The following LAMA1 variants were observed in gnomAD, a reference collection of about 807,000 sequenced individuals.
The protein encoded by LAMA1 is laminin subunit alpha-1.
LAMA1 carries 219 observed loss-of-function variants against 348.7 expected under a neutral mutation model. The ratio of observed to expected loss-of-function variants is 0.63; its 90% CI spans 0.56 to 0.70. The LOEUF (loss-of-function observed/expected upper bound fraction) is 0.70. Among genes scored for constraint, LAMA1 ranks in the 30% least tolerant of loss-of-function variants. The pLI is 0.00. For synonymous variants in LAMA1, 1,487 were observed against 1,491.0 expected, an observed-to-expected ratio of 1.00 and a Z score of 0.06; for missense variants, 3,744 against 3,888.0, an observed-to-expected ratio of 0.96 and a Z score of 0.99.
chr18:6,988,343 G>A (rs539141238), intron 36 of LAMA1, among the ~76,000 whole-genome samples: 3 of 152,294 alleles, frequency 2.0e-5, no homozygotes, highest in African/African-American at 4.8e-5. Flanking sequence ...CCCATGAACT[G>A]CCAGGCAGAT....
At position 7,044,789 on chromosome 18, in the gene LAMA1, C is replaced by G; in HGVS notation, c.909G>C (p.Arg303Ser). 1 of 1,614,188 alleles carries G rather than the reference C, an allele frequency of 6.2e-7. No homozygotes were observed. The highest frequency in any genetic ancestry group is 8.5e-7 in the Non-Finnish European group (1 of 1,180,032). The change falls in exon 7 of 63, where the codon AGG becomes AGC. Residue 303 changes from arginine (R) to serine (S), a missense_variant. Arg to Ser is a moderately radical substitution (Grantham distance 110). Around this residue, in one of 3 missense-constraint regions of LAMA1, gnomAD observed 1,529 missense variants for 1,689.4 expected, o/e 0.91. Coordinates refer to ENST00000389658, the MANE Select transcript of LAMA1 (RefSeq NM_005559.4). ...GCTGCTGATGGTACCCAGGACAGCACCTGTTACAGCTCTCCCCGCAAGTAT... is the reference window on the plus strand; with the variant it reads ...GCTGCTGATGGTACCCAGGACAGCAGCTGTTACAGCTCTCCCCGCAAGTAT... ...EHNTCGESCN[R>S]CCPGYHQQPW...
chr18:7,043,848 C>T (rs891442398), intron 7 of LAMA1, among the ~76,000 whole-genome samples: 8 of 152,254 alleles, frequency 5.3e-5, no homozygotes, highest in African/African-American at 1.9e-4. Context: ...TTTCACAATA[C>T]ATTGTTAAAT....
rs1410750270 is a variant in LAMA1 at position 7,031,954 on chromosome 18, A to G, written c.2274+112T>C. On this transcript the variant is annotated intron_variant, in intron 16 of 62. Coordinates refer to ENST00000389658, the MANE Select transcript of LAMA1 (RefSeq NM_005559.4). ...AATCTGTAAATTTTCTTTGGGGTCT[A>G]TGAGGCTAGGGTTATTCCGTGGAGG... 20 of 750,064 alleles carry G rather than the reference A, an allele frequency of 2.7e-5. No individual in the cohort carries two copies. The Admixed American group carries it at 3.3e-4, about 12-fold the overall frequency. The allele number at this position is 750,064 out of a possible 1,614,324, so 46.5% of individuals were successfully genotyped here. A position where few individuals can be genotyped will look rare whatever the true frequency, so the allele number is the denominator to read the frequency against.
chr18:7,071,674 T>C (rs957877262), intron 3 of LAMA1, among the ~76,000 whole-genome samples: 2 of 152,234 alleles, frequency 1.3e-5, no homozygotes, highest in African/African-American at 2.4e-5. Context: ...GTTCATGCTA[T>C]ACAATTACAT....
intron 1 of LAMA1, among the ~76,000 whole-genome samples, chr18:7,085,297 G>C (rs1016764914): frequency 6.6e-6 from 1 of 151,454 alleles, no homozygotes. Flanking sequence ...ATTTGGAAAA[G>C]TAGGAATTTA....
Position 6,956,784 on chromosome 18 carries a change from G to A in LAMA1, c.7965-19C>T, listed in dbSNP as rs369691592. ...CAAAAGTCTAGGTAGAAACAAGAGAGTGTTTTCAAAATTAGGATATCACAA... is the reference window on the plus strand; with the variant it reads ...CAAAAGTCTAGGTAGAAACAAGAGAATGTTTTCAAAATTAGGATATCACAA... On this transcript the variant is annotated intron_variant, in intron 55 of 62. Transcript: ENST00000389658. The A allele has an allele frequency of 5.0e-6, 8 of 1,613,868 alleles. No individual in the cohort carries two copies. The highest frequency in any genetic ancestry group is 4.0e-5 in the African/African-American group (3 of 74,910).
intron 3 of LAMA1, among the ~76,000 whole-genome samples, chr18:7,067,649 AG>A (rs772871307): frequency 6.6e-6 from 1 of 152,124 alleles, no homozygotes; most frequent in Non-Finnish European, 1.5e-5. Context: ...TATACACTCG[AG>A]ATTTGTGCAT....
At position 7,026,830 on chromosome 18, in the gene LAMA1, T is replaced by C. The variant is rs139786873; in HGVS notation, c.2275-724A>G. 3.5e-3 allele frequency among the ~76,000 whole-genome samples: 531 copies of C among 152,114 alleles called. 2 individuals are homozygous for C. The highest frequency in any genetic ancestry group is 6.8e-3 in the African/African-American group (282 of 41,522). On this transcript the variant is annotated intron_variant, in intron 16 of 62. Coordinates refer to ENST00000389658, the MANE Select transcript of LAMA1 (RefSeq NM_005559.4). ...GGCTAACACGGTGAAACCCCATCTC[T>C]ACTAAAAATACAAAAAATTAGCTGG...
At chr18:7,000,934 C>G (rs2057804889) in intron 30 of LAMA1, among the ~76,000 whole-genome samples, 1 of 152,202 alleles carries the variant, frequency 6.6e-6, no homozygotes, top group Admixed American at 6.5e-5. Context: ...AGAATGTTCA[C>G]AACCTGACAA....
In LAMA1 at chr18:6,970,388, C is replaced by T. The variant is rs534262034; in HGVS notation, c.6899+1469G>A. On this transcript the variant is annotated intron_variant, in intron 48 of 62. Coordinates refer to ENST00000389658, the MANE Select transcript of LAMA1 (RefSeq NM_005559.4). ...TTCCAGTTTATAAAGCATTTTCACA[C>T]GCATCATGTTGTGTGTTCATCACTG... 7.9e-5 allele frequency among the ~76,000 whole-genome samples: 12 copies of T among 152,292 alleles called. No homozygotes were observed. The South Asian group carries it at 1.0e-3, about 13-fold the overall frequency.
chr18:7,108,492 C>T (rs1201907925), intron 1 of LAMA1, among the ~76,000 whole-genome samples: 1 of 151,704 alleles, frequency 6.6e-6, no homozygotes. Flanking sequence ...GAAACCCTGT[C>T]TCTACTAAAA....
intron 1 of LAMA1, among the ~76,000 whole-genome samples, chr18:7,085,626 G>A (rs866533901): frequency 5.9e-5 from 9 of 151,924 alleles, no homozygotes; most frequent in Admixed American, 2.0e-4. Context: ...CACCACGTTA[G>A]CCAGGATGGT....
At chr18:7,094,763 C>A (rs2058253802) in intron 1 of LAMA1, among the ~76,000 whole-genome samples, 1 of 152,170 alleles carries the variant, frequency 6.6e-6, no homozygotes, top group Non-Finnish European at 1.5e-5. Context: ...CAGTAACAAC[C>A]AGGGAAATCT....
chr18:7,117,760 C>T lies in LAMA1; in HGVS notation c.-40G>A, dbSNP rs765284912. The T allele has an allele frequency of 3.8e-6, 6 of 1,569,652 alleles. No individual in the cohort carries two copies. Among genetic ancestry groups the T allele is most frequent in the Admixed American group, 1.7e-5 (1 of 57,558 alleles). On this transcript the variant is annotated 5_prime_UTR_variant, in exon 1 of 63. Transcript: ENST00000389658. ...CACTCGGTGGGTCTGGGGAGAAAGCCGCGCGCCCGCCTGGAACGCTCCACG... is the reference window on the plus strand; with the variant it reads ...CACTCGGTGGGTCTGGGGAGAAAGCTGCGCGCCCGCCTGGAACGCTCCACG...
chr18:7,076,973 G>C (rs1420986718), intron 3 of LAMA1: 2 of 151,346 alleles, frequency 1.3e-5, no homozygotes, highest in Non-Finnish European at 2.9e-5. Context: ...TAATAAAAAG[G>C]CTCAATAAAT....
intron 61 of LAMA1, among the ~76,000 whole-genome samples, chr18:6,946,389 G>A (rs2057521668): frequency 6.6e-6 from 1 of 152,108 alleles, no homozygotes; most frequent in Non-Finnish European, 1.5e-5. Flanking sequence ...GGCCATGATG[G>A]GGTATTAAGG....
chr18:7,067,595 G>A (rs910463285), intron 3 of LAMA1, among the ~76,000 whole-genome samples: 4 of 152,052 alleles, frequency 2.6e-5, no homozygotes, highest in Admixed American at 6.6e-5. Context: ...TATACCAAGG[G>A]AATGGCTTAT....
chr18:7,085,639 C>A (rs993956610), intron 1 of LAMA1, among the ~76,000 whole-genome samples: 3 of 151,954 alleles, frequency 2.0e-5, no homozygotes, highest in Non-Finnish European at 4.4e-5. Context: ...AGGATGGTCT[C>A]GATCTCCTGA....
chr18:6,967,973 G>A (rs1346205804), intron 48 of LAMA1, among the ~76,000 whole-genome samples: 1 of 152,248 alleles, frequency 6.6e-6, no homozygotes, highest in African/African-American at 2.4e-5. Context: ...GAACATGACC[G>A]AAGGCTTGTC....
Sources: allele counts gnomAD v4.1 joint callset (sites outside exome capture counted in the v4.1 genomes callset), GRCh38; gene constraint gnomAD v4.1.1; regional missense constraint gnomAD v4.1.1; transcripts MANE v1.5; gene names NCBI Gene and HGNC (gene_info 2026-07-23, HGNC 2026-07-21).